The following TNIP3 variants were observed in gnomAD, a reference collection of about 807,000 sequenced individuals.
The protein encoded by TNIP3 is TNFAIP3-interacting protein 3.
TNIP3 carries 34 observed loss-of-function variants against 54.1 expected under a neutral mutation model. The ratio of observed to expected loss-of-function variants is 0.63; its 90% CI spans 0.48 to 0.84. The LOEUF (loss-of-function observed/expected upper bound fraction) is 0.84. TNIP3 is among the 40% of genes least tolerant of loss of function. The pLI, the probability that TNIP3 is intolerant of heterozygous loss-of-function variation, is 0.00. For synonymous variants in TNIP3, 134 were observed against 136.8 expected (o/e 0.98, Z 0.14); for missense variants, 366 against 387.6 (o/e 0.94, Z 0.47).
Position 121,146,448 on chromosome 4 carries a change from C to T in TNIP3, c.735+601G>A, listed in dbSNP as rs114042394. On this transcript the variant is annotated intron_variant, in intron 7 of 10. Coordinates refer to ENST00000057513, the MANE Select transcript of TNIP3 (RefSeq NM_024873.6). ...TGTTAGCTACATTTTCCTTCATTAACATCACTATTTACCCATCGTGGCAAC... is the reference window on the plus strand; with the variant it reads ...TGTTAGCTACATTTTCCTTCATTAATATCACTATTTACCCATCGTGGCAAC... 3.8e-3 allele frequency among the ~76,000 whole-genome samples: 574 copies of T among 152,304 alleles called. 4 individuals carry two copies. The highest frequency in any genetic ancestry group is 0.013 in the African/African-American group (553 of 41,584).
intron 10 of TNIP3, among the ~76,000 whole-genome samples, chr4:121,133,091 A>G (rs1728571715): frequency 6.6e-6 from 1 of 152,242 alleles, no homozygotes; most frequent in African/African-American, 2.4e-5. Context: ...AAAATATCCT[A>G]TAGAAAGACT....
intron 2 of TNIP3, among the ~76,000 whole-genome samples, chr4:121,184,102 A>G (rs958694219): frequency 2.0e-5 from 3 of 151,726 alleles, no homozygotes; most frequent in African/African-American, 7.3e-5. Context: ...ACAACTCACA[A>G]GGAAAAATGC....
upstream of TNIP3, among the ~76,000 whole-genome samples, chr4:121,219,592 T>G (rs933693516): frequency 6.6e-6 from 1 of 152,248 alleles, no homozygotes; most frequent in Non-Finnish European, 1.5e-5. Flanking sequence ...TGACAGCTTT[T>G]AATATACTTG....
intron 2 of TNIP3, among the ~76,000 whole-genome samples, chr4:121,207,008 C>T (rs541734374): frequency 6.6e-5 from 10 of 152,164 alleles, no homozygotes; most frequent in Admixed American, 2.0e-4. Context: ...AAAGGGCAAA[C>T]AGCTAAGGCA....
chr4:121,184,153 A>G (rs969000003), intron 2 of TNIP3, among the ~76,000 whole-genome samples: 9 of 152,182 alleles, frequency 5.9e-5, no homozygotes, highest in Middle Eastern at 3.4e-3. Context: ...CTCTCTACAT[A>G]TGTATATTTT....
chr4:121,143,307 A>G (rs939236037), intron 7 of TNIP3, among the ~76,000 whole-genome samples: 5 of 152,170 alleles, frequency 3.3e-5, no homozygotes, highest in Non-Finnish European at 2.9e-5. Context: ...CTCACTACTT[A>G]AGGCCCAGCC....
intron 2 of TNIP3, among the ~76,000 whole-genome samples, chr4:121,184,877 T>G (rs1210900045): frequency 6.6e-6 from 1 of 152,220 alleles, no homozygotes; most frequent in Non-Finnish European, 1.5e-5. Flanking sequence ...TTCAGGTTTT[T>G]TCCACAAACC....
At chr4:121,165,659 T>TTGTGTGTGTG (rs67730856), upstream of TNIP3, among the ~76,000 whole-genome samples, 7 of 146,804 alleles carry the variant, frequency 4.8e-5, no homozygotes, top group African/African-American at 1.2e-4. Context: ...TTTTGCTAGT[T>TTGTGTGTGTG]TGTGTGTGTG....
chr4:121,154,585 T>C lies in TNIP3; in HGVS notation c.458A>G (p.Glu153Gly). ...GKNTLANKEK[E>G]HYECEIKRLN... ...GCGTTTTATTTCACATTCGTAATGT[T>C]CCTTTTCCTTGTTCGCAAGAGTATT... Residue 153 changes from glutamate to glycine, a missense_variant, in exon 5 of 11, where the codon GAA becomes GGA. Transcript: ENST00000057513. The C allele has an allele frequency of 6.2e-7, 1 of 1,613,986 alleles. No individual in the cohort carries two copies. Among genetic ancestry groups the C allele is most frequent in the Non-Finnish European group, 8.5e-7 (1 of 1,179,996 alleles).
chr4:121,217,529 A>G (rs1726850324), upstream of TNIP3, among the ~76,000 whole-genome samples: 2 of 152,180 alleles, frequency 1.3e-5, no homozygotes, highest in Non-Finnish European at 2.9e-5. Flanking sequence ...GTAGCCAGTT[A>G]CTAGATGAAA....
chr4:121,194,672 A>T (rs1372826480), intron 2 of TNIP3, among the ~76,000 whole-genome samples: 1 of 152,198 alleles, frequency 6.6e-6, no homozygotes, highest in Non-Finnish European at 1.5e-5. Context: ...ATAGTAAAAA[A>T]CACAAAATAA....
intron 3 of TNIP3, among the ~76,000 whole-genome samples, chr4:121,175,448 C>T (rs1724250712): frequency 2.6e-5 from 4 of 152,168 alleles, no homozygotes; most frequent in Admixed American, 1.3e-4. Context: ...TTGCTTCCCC[C>T]ACCAAGCCTC....
intron 2 of TNIP3, among the ~76,000 whole-genome samples, chr4:121,208,099 C>G (rs2148845209): frequency 6.6e-6 from 1 of 152,274 alleles, no homozygotes; most frequent in African/African-American, 2.4e-5. Context: ...AATTAAACTT[C>G]TTTTTCTTCC....
At chr4:121,169,570 C>A (rs1730957144) in intron 3 of TNIP3, among the ~76,000 whole-genome samples, 1 of 152,150 alleles carries the variant, frequency 6.6e-6, no homozygotes, top group Non-Finnish European at 1.5e-5. Flanking sequence ...CAAAGTAGTG[C>A]CATTTTAGTG....
intron 10 of TNIP3, chr4:121,137,982 C>T (rs1275616965): frequency 4.4e-6 from 2 of 455,674 alleles, no homozygotes; most frequent in Admixed American, 4.7e-5. Context: ...CCTCACAAGA[C>T]CATAGAAACA....
intron 1 of TNIP3, 81 bp from the exon 2 acceptor site, chr4:121,161,297 G>A (rs1730437988): frequency 2.4e-6 from 3 of 1,249,854 alleles, no homozygotes; most frequent in East Asian, 5.1e-5. Flanking sequence ...GAAACCCCAT[G>A]CATTTGGCCA....
At chr4:121,138,941 T>A (rs1007829869) in intron 9 of TNIP3, among the ~76,000 whole-genome samples, 1 of 152,184 alleles carries the variant, frequency 6.6e-6, no homozygotes, top group African/African-American at 2.4e-5. Flanking sequence ...CTTTCTTTTT[T>A]TGAAACAGAT....
intron 1 of TNIP3, among the ~76,000 whole-genome samples, chr4:121,227,084 T>C (rs1268631011): frequency 6.6e-6 from 1 of 152,204 alleles, no homozygotes; most frequent in Non-Finnish European, 1.5e-5. Context: ...CTTAGTTAAA[T>C]GTGTCATTTC....
chr4:121,142,830 C>T lies in TNIP3; in HGVS notation c.736-54G>A. The T allele has an allele frequency of 2.0e-6, 3 of 1,495,220 alleles. No individual in the cohort carries two copies. In the South Asian group the frequency reaches 3.5e-5, roughly 17 times the overall value. 92.6% of individuals were successfully genotyped at this position (1,495,220 alleles called of 1,614,324 possible). A position where few individuals can be genotyped will look rare whatever the true frequency, so the allele number is the denominator to read the frequency against. Reference sequence around the variant, plus strand: ...TCAAGACAAGTTAAAATCATTAATTCCCAAGCCACTCTTGACCTACTCAAG... The same window carrying T: ...TCAAGACAAGTTAAAATCATTAATTTCCAAGCCACTCTTGACCTACTCAAG... On this transcript the variant is annotated intron_variant, in intron 7 of 10. Coordinates refer to ENST00000057513, the MANE Select transcript of TNIP3 (RefSeq NM_024873.6).
Sources: allele counts gnomAD v4.1 joint callset (sites outside exome capture counted in the v4.1 genomes callset), GRCh38; gene constraint gnomAD v4.1.1; transcripts MANE v1.5; gene names NCBI Gene and HGNC (gene_info 2026-07-23, HGNC 2026-07-21).